Variants in NOSIP observed in about 807,000 individuals in gnomAD.
NOSIP encodes the protein nitric oxide synthase interacting protein, also known as nitric oxide synthase-interacting protein.
A neutral mutation model predicts 36.4 loss-of-function variants in NOSIP; 25 were observed. The ratio of observed to expected loss-of-function variants is 0.69; its 90% CI spans 0.50 to 0.96. The LOEUF (loss-of-function observed/expected upper bound fraction) is 0.96, where lower values mean the gene tolerates loss of function less well. Among genes scored for constraint, NOSIP ranks in the 40% least tolerant of loss-of-function variants. The pLI is 0.00. For synonymous variants in NOSIP, 187 were observed against 179.2 expected (o/e 1.04, Z -0.35); for missense variants, 370 against 429.0 (o/e 0.86, Z 1.21).
intron 1 of NOSIP, among the ~76,000 whole-genome samples, chr19:49,576,330 C>A (rs572824018): frequency 6.6e-6 from 1 of 150,668 alleles, no homozygotes; most frequent in African/African-American, 2.4e-5. Context: ...CTGTCTCTAC[C>A]AAAAAAAAGC....
intron 1 of NOSIP, among the ~76,000 whole-genome samples, chr19:49,573,814 G>A (rs144739901): frequency 6.8e-6 from 1 of 146,478 alleles, no homozygotes; most frequent in Non-Finnish European, 1.5e-5. Flanking sequence ...ATGTATGTAT[G>A]TATTTATTTT....
intron 1 of NOSIP, among the ~76,000 whole-genome samples, chr19:49,565,695 C>G (rs913193403): frequency 1.3e-5 from 2 of 151,834 alleles, no homozygotes; most frequent in Admixed American, 6.6e-5. Context: ...GAGGTGAAGG[C>G]TGCAGTGAGC....
chr19:49,568,617 TC>T (rs2080441158), intron 1 of NOSIP, among the ~76,000 whole-genome samples: 1 of 151,692 alleles, frequency 6.6e-6, no homozygotes, highest in Non-Finnish European at 1.5e-5. Flanking sequence ...CTCCAGCAAA[TC>T]AAGAAGAAAA....
intron 1 of NOSIP, among the ~76,000 whole-genome samples, chr19:49,572,350 A>G (rs950996224): frequency 1.5e-5 from 2 of 134,488 alleles, no homozygotes; most frequent in South Asian, 2.4e-4. Context: ...CAGGTGATCC[A>G]CCCGCCTCAG....
At chr19:49,580,395 T>C (rs1343186572) in intron 1 of NOSIP, 120 bp downstream of exon 1, 1 of 152,078 alleles carries the variant, frequency 6.6e-6, no homozygotes, top group Non-Finnish European at 1.5e-5. Context: ...GCTGTATTAA[T>C]AATGATTGAC....
At chr19:49,573,705 T>C (rs2122179321) in intron 1 of NOSIP, among the ~76,000 whole-genome samples, 1 of 152,240 alleles carries the variant, frequency 6.6e-6, no homozygotes, top group South Asian at 2.1e-4. Context: ...CCCTTAAGAA[T>C]CAGACCTTGT....
chr19:49,578,804 G>T (rs1446153881), intron 1 of NOSIP, among the ~76,000 whole-genome samples: 1 of 151,896 alleles, frequency 6.6e-6, no homozygotes, highest in East Asian at 1.9e-4. Flanking sequence ...CTGCCATCAT[G>T]CCCGGCTAAG....
chr19:49,578,026 G>C (rs1473178626), intron 1 of NOSIP, among the ~76,000 whole-genome samples: 1 of 152,062 alleles, frequency 6.6e-6, no homozygotes, highest in Non-Finnish European at 1.5e-5. Flanking sequence ...TTCTTAAAAT[G>C]ATAGTGTTGA....
chr19:49,570,602 T>C (rs918000567), intron 1 of NOSIP, among the ~76,000 whole-genome samples: 1 of 152,062 alleles, frequency 6.6e-6, no homozygotes, highest in African/African-American at 2.4e-5. Context: ...AGGGCGACCT[T>C]GATCAAACAC....
At chr19:49,579,438 GGA>G (rs2080596479) in intron 1 of NOSIP, among the ~76,000 whole-genome samples, 1 of 152,186 alleles carries the variant, frequency 6.6e-6, no homozygotes, top group Non-Finnish European at 1.5e-5. Context: ...TGAGATATCA[GGA>G]GAGAGATAAT....
chr19:49,562,324 G>A (rs935381462), intron 1 of NOSIP, among the ~76,000 whole-genome samples: 3 of 151,940 alleles, frequency 2.0e-5, no homozygotes, highest in Non-Finnish European at 2.9e-5. Context: ...GGGTTTCACC[G>A]TGTTGGCCAG....
chr19:49,579,764 G>C (rs957424096), intron 1 of NOSIP, among the ~76,000 whole-genome samples: 1 of 152,038 alleles, frequency 6.6e-6, no homozygotes, highest in African/African-American at 2.4e-5. Flanking sequence ...CCTACGATTT[G>C]TTTTAATCTC....
intron 1 of NOSIP, among the ~76,000 whole-genome samples, chr19:49,571,912 G>A (rs1255959180): frequency 6.7e-6 from 1 of 148,516 alleles, no homozygotes. Context: ...TTGAACCCAG[G>A]AGGTGGAGGT....
At chr19:49,557,699 A>C in intron 4 of NOSIP, 1 of 1,000,224 alleles carries the variant, frequency 1.0e-6, no homozygotes, top group Non-Finnish European at 1.2e-6. Flanking sequence ...TGTAGACTTC[A>C]GATCTAAGGG....
chr19:49,559,002 A>G, intron 3 of NOSIP, 24 bp from the exon 4 acceptor site: 1 of 1,595,872 alleles, frequency 6.3e-7, no homozygotes. Flanking sequence ...GTGCAATGAG[A>G]AAGAAAGAAA....
chr19:49,565,914 T>C (rs1253746518), intron 1 of NOSIP, among the ~76,000 whole-genome samples: 1 of 152,222 alleles, frequency 6.6e-6, no homozygotes, highest in Non-Finnish European at 1.5e-5. Flanking sequence ...ATTTGACACC[T>C]GTGGACAGAC....
At position 49,560,665 on chromosome 19, in the gene NOSIP, G is replaced by A. The variant is rs560531956; in HGVS notation, c.27C>T (p.Thr9=). The part of the protein sequence containing the change: MTRHGKNC[T]AGAVYTYHEK... The stretch of plus-strand genomic sequence containing the variant: ...CGTGGTAGGTGTAGACGGCCCCTGC[G>A]GTGCAGTTCTTGCCATGCCGCGTCA... The change falls in exon 2 of 9, where the codon ACC becomes ACT. Residue 9 remains threonine (T), a synonymous_variant. Coordinates refer to ENST00000596358, the MANE Select transcript of NOSIP (RefSeq NM_001270960.2). This position sits in a 1 kb window ranked among gnomAD's most constrained non-coding sequence, Gnocchi z 4.6. 18 of 1,596,270 alleles carry A rather than the reference G, an allele frequency of 1.1e-5. No homozygotes were observed. In the East Asian group the frequency reaches 1.8e-4, roughly 16 times the overall value.
chr19:49,561,252 G>C (rs925055286), intron 1 of NOSIP, among the ~76,000 whole-genome samples: 1 of 152,130 alleles, frequency 6.6e-6, no homozygotes, highest in African/African-American at 2.4e-5. Flanking sequence ...GTCTCAGATC[G>C]ACCGATCAGA....
At chr19:49,570,053 G>A (rs2080464944) in intron 1 of NOSIP, among the ~76,000 whole-genome samples, 1 of 152,098 alleles carries the variant, frequency 6.6e-6, no homozygotes, top group African/African-American at 2.4e-5. Context: ...AGGTTGCAGT[G>A]AGCCGAGACT....
Sources: allele counts gnomAD v4.1 joint callset (sites outside exome capture counted in the v4.1 genomes callset), GRCh38; gene constraint gnomAD v4.1.1; non-coding constraint Gnocchi (gnomAD v3.1); transcripts MANE v1.5; gene names NCBI Gene and HGNC (gene_info 2026-07-23, HGNC 2026-07-21).